Variants in RAP1B observed in about 807,000 individuals in gnomAD.
RAP1B encodes the protein ras-related protein Rap-1b.
In RAP1B, 1 loss-of-function variant was observed where a neutral mutation model predicts 27.5. That is an observed-to-expected ratio of 0.04 (90% confidence interval 0.01 to 0.17). The LOEUF (loss-of-function observed/expected upper bound fraction) is 0.17, where lower values mean the gene tolerates loss of function less well. RAP1B is among the 10% of genes least tolerant of loss of function. RAP1B has a pLI of 1.00. For missense variants in RAP1B, 84 were observed against 214.8 expected (o/e 0.39, Z 3.81); for synonymous variants, 75 against 73.1 (o/e 1.03, Z -0.13).
chr12:68,657,237 C>T lies in RAP1B; in HGVS notation c.*30+20C>T. 6.7e-7 allele frequency: 1 copy of T among 1,492,222 alleles called. No individual in the cohort carries two copies. The highest frequency in any genetic ancestry group is 1.2e-5 in the South Asian group (1 of 86,658). 92.4% of individuals were successfully genotyped at this position (1,492,222 alleles called of 1,614,324 possible). A position where few individuals can be genotyped will look rare whatever the true frequency, so the allele number is the denominator to read the frequency against. On this transcript the variant is annotated intron_variant, in intron 7 of 7. Coordinates refer to ENST00000250559, the MANE Select transcript of RAP1B (RefSeq NM_001010942.3). ...AGCCAGGTATGTTCACTTATCTTTCCTCTAACTTTTAATCACTCAACCTTA... is the reference window on the plus strand; with the variant it reads ...AGCCAGGTATGTTCACTTATCTTTCTTCTAACTTTTAATCACTCAACCTTA...
intron 1 of RAP1B, among the ~76,000 whole-genome samples, chr12:68,623,629 G>A (rs2956528): frequency 0.42 from 63,224 of 152,036 alleles, 13,659 homozygotes; most frequent in South Asian, 0.61. Context: ...CAGTGCTCAG[G>A]TGAAGTTTTG....
At chr12:68,612,544 C>G (rs1004089813) in intron 1 of RAP1B, among the ~76,000 whole-genome samples, 3 of 152,160 alleles carry the variant, frequency 2.0e-5, no homozygotes, top group Non-Finnish European at 2.9e-5. Flanking sequence ...GGACAGTAGT[C>G]TATCCGTAAG....
At chr12:68,645,574 C>A (rs1220780091) in intron 1 of RAP1B, among the ~76,000 whole-genome samples, 3 of 152,212 alleles carry the variant, frequency 2.0e-5, no homozygotes, top group Non-Finnish European at 1.5e-5. Context: ...ATACGCTATA[C>A]AAATAACAGG....
intron 4 of RAP1B, among the ~76,000 whole-genome samples, chr12:68,652,995 G>T (rs2135964472): frequency 6.6e-6 from 1 of 152,260 alleles, no homozygotes; most frequent in East Asian, 1.9e-4. Flanking sequence ...TGGATCACCT[G>T]AGGTCAGGAG....
At chr12:68,613,437 CT>C (rs1295156455) in intron 1 of RAP1B, among the ~76,000 whole-genome samples, 1 of 150,880 alleles carries the variant, frequency 6.6e-6, no homozygotes, top group African/African-American at 2.4e-5. Flanking sequence ...GCTCTGCTCT[CT>C]TTTACATTCT....
chr12:68,630,515 C>G (rs1365678732), intron 1 of RAP1B, among the ~76,000 whole-genome samples: 1 of 152,102 alleles, frequency 6.6e-6, no homozygotes, highest in Non-Finnish European at 1.5e-5. Flanking sequence ...TTGATTCATT[C>G]AACAAATAAT....
chr12:68,639,542 G>T (rs896685711), intron 1 of RAP1B, among the ~76,000 whole-genome samples: 1 of 152,174 alleles, frequency 6.6e-6, no homozygotes, highest in African/African-American at 2.4e-5. Flanking sequence ...ATGCTTCAGA[G>T]ACATTTCCTT....
intron 4 of RAP1B, among the ~76,000 whole-genome samples, chr12:68,653,906 G>A (rs896431974): frequency 9.2e-5 from 14 of 151,816 alleles, no homozygotes; most frequent in African/African-American, 2.9e-4. Flanking sequence ...ACTCCAGCGT[G>A]GTGACAGAGC....
At chr12:68,645,245 G>T (rs747327607) in intron 1 of RAP1B, among the ~76,000 whole-genome samples, 2 of 152,138 alleles carry the variant, frequency 1.3e-5, no homozygotes, top group African/African-American at 2.4e-5. Context: ...TACCTGGAAG[G>T]AAAGTGAGGC....
chr12:68,657,850 G>A (rs1041436451), intron 7 of RAP1B: 1 of 150,110 alleles, frequency 6.7e-6, no homozygotes. Flanking sequence ...ACACACCCCT[G>A]ACATGTTCAT....
intron 2 of RAP1B, chr12:68,649,009 T>G (rs1263677668): frequency 2.3e-5 from 11 of 475,700 alleles, no homozygotes; most frequent in Non-Finnish European, 4.0e-5. Flanking sequence ...GAATACAATT[T>G]GAGCTAAGCA....
At chr12:68,611,267 C>T (rs1870554348) in intron 1 of RAP1B, among the ~76,000 whole-genome samples, 1 of 149,850 alleles carries the variant, frequency 6.7e-6, no homozygotes, top group African/African-American at 2.4e-5. Context: ...GGAGCAGCCG[C>T]CGCCGCCGCG....
chr12:68,615,908 T>G (rs1870955834), intron 1 of RAP1B, among the ~76,000 whole-genome samples: 1 of 152,124 alleles, frequency 6.6e-6, no homozygotes, highest in Non-Finnish European at 1.5e-5. Flanking sequence ...TTAACTGTTG[T>G]GCAGATAGAC....
chr12:68,643,625 A>G (rs977367581), intron 1 of RAP1B, among the ~76,000 whole-genome samples: 1 of 152,146 alleles, frequency 6.6e-6, no homozygotes. Flanking sequence ...AGGTACCCTC[A>G]CCATTAGTTT....
intron 1 of RAP1B, among the ~76,000 whole-genome samples, chr12:68,612,132 T>C (rs1870647685): frequency 6.6e-6 from 1 of 152,174 alleles, no homozygotes; most frequent in African/African-American, 2.4e-5. Flanking sequence ...TAAATGAAGA[T>C]TGTGATTTTA....
intron 1 of RAP1B, among the ~76,000 whole-genome samples, chr12:68,636,924 G>A (rs945547676): frequency 9.2e-5 from 14 of 152,018 alleles, no homozygotes; most frequent in Non-Finnish European, 1.5e-5. Flanking sequence ...AATGTGCTGA[G>A]ATTCCAGGCA....
rs1319053681 is a variant in RAP1B, at chr12:68,611,027, C to T, written c.-43C>T. 1.6e-5 allele frequency: 5 copies of T among 309,414 alleles called. No homozygotes were observed. Among genetic ancestry groups the T allele is most frequent in the East Asian group, 4.6e-5 (1 of 21,560 alleles). The allele number at this position is 309,414 out of a possible 1,614,324, so 19.2% of individuals were successfully genotyped here. Reference sequence around the variant, plus strand: ...CGGGGCGACGCTGGCTGCAGGGACCCGGTGACAGCGTGAGAGGTTCGCAGA... The same window carrying T: ...CGGGGCGACGCTGGCTGCAGGGACCTGGTGACAGCGTGAGAGGTTCGCAGA... On this transcript the variant is annotated 5_prime_UTR_variant, in exon 1 of 8. Transcript: ENST00000250559.
At chr12:68,622,827 A>G (rs189728769) in intron 1 of RAP1B, among the ~76,000 whole-genome samples, 72 of 152,310 alleles carry the variant, frequency 4.7e-4, no homozygotes, top group African/African-American at 1.7e-3. Flanking sequence ...CGGTTTGTCC[A>G]TATCAATTCC....
intron 1 of RAP1B, among the ~76,000 whole-genome samples, chr12:68,618,303 T>C (rs1871164763): frequency 6.6e-6 from 1 of 151,750 alleles, no homozygotes. Flanking sequence ...TTGGCCAGGC[T>C]GGTCTCGAAC....
Sources: gnomAD v4.1 joint callset for allele counts (sites outside exome capture counted in the v4.1 genomes callset) on GRCh38, gnomAD v4.1.1 for gene constraint, MANE v1.5 for transcripts, NCBI Gene and HGNC (gene_info 2026-07-23, HGNC 2026-07-21) for gene names.